The following LMO3 variants were observed in gnomAD, a reference collection of about 807,000 sequenced individuals.
The protein encoded by LMO3 is LIM domain only protein 3.
In LMO3, 2 loss-of-function variants were observed where a neutral mutation model predicts 15.8. The observed-to-expected ratio is 0.13, with a 90% CI of 0.05 to 0.40. The LOEUF is 0.40. Among genes scored for constraint, LMO3 ranks in the 10% least tolerant of loss-of-function variants. The pLI is 0.99. For synonymous variants in LMO3, 62 were observed against 63.8 expected (o/e 0.97, Z 0.13); for missense variants, 86 against 182.2 (o/e 0.47, Z 3.04).
rs773319605 is a variant in LMO3, at chr12:16,586,706, A to G, written c.206+13949T>C. On this transcript the variant is annotated intron_variant, in intron 2 of 3. Coordinates refer to ENST00000537304, the MANE Select transcript of LMO3 (RefSeq NM_018640.5). This position sits in a 1 kb window ranked among gnomAD's most constrained non-coding sequence, Gnocchi z 4.3. The stretch of plus-strand genomic sequence containing the variant: ...CAAGATACACATCTTTTGACCCCCC[A>G]TTGCAGTAGATGATGTTTTTTTCCA... Among the ~76,000 whole-genome samples, 4 of 152,138 alleles carry G rather than the reference A, an allele frequency of 2.6e-5. No individual in the cohort carries two copies. The highest frequency in any genetic ancestry group is 5.9e-5 in the Non-Finnish European group (4 of 68,014).
chr12:16,577,394 G>A (rs1025651289), intron 2 of LMO3, among the ~76,000 whole-genome samples: 4 of 152,048 alleles, frequency 2.6e-5, no homozygotes, highest in Admixed American at 2.6e-4. Flanking sequence ...ATTTTCCTAA[G>A]TAGTTGGCAG....
At chr12:16,556,736 A>G (rs998109901) in intron 3 of LMO3, among the ~76,000 whole-genome samples, 1 of 152,198 alleles carries the variant, frequency 6.6e-6, no homozygotes, top group South Asian at 2.1e-4. Flanking sequence ...AGAATCTCCT[A>G]TATGAAAACC....
At position 16,589,138 on chromosome 12, in the gene LMO3, G is replaced by A. The variant is rs1364154803; in HGVS notation, c.206+11517C>T. 6.6e-6 allele frequency among the ~76,000 whole-genome samples: 1 copy of A among 152,086 alleles called. No individual in the cohort carries two copies. Among genetic ancestry groups the A allele is most frequent in the African/African-American group, 2.4e-5 (1 of 41,432 alleles). On this transcript the variant is annotated intron_variant, in intron 2 of 3. Transcript: ENST00000537304. The surrounding 1 kb of genome is among the most constrained non-coding windows in gnomAD (Gnocchi z 4.2). Reference sequence around the variant, plus strand: ...TGCCTCTAAGATCTACGAATTAGATGTAACCTCACCCAGTTTGGAAGATTT... The same window carrying A: ...TGCCTCTAAGATCTACGAATTAGATATAACCTCACCCAGTTTGGAAGATTT...
chr12:16,580,445 C>T (rs149640287), intron 2 of LMO3, among the ~76,000 whole-genome samples: 34 of 152,270 alleles, frequency 2.2e-4, no homozygotes, highest in African/African-American at 8.2e-4. Context: ...TGACAATGTT[C>T]AAGATTAAGA....
rs1942300052 is a variant in LMO3 at position 16,559,200 on chromosome 12, T to C, written c.332+1213A>G. 2.6e-5 allele frequency among the ~76,000 whole-genome samples: 4 copies of C among 152,200 alleles called. No homozygotes were observed. In the South Asian group the frequency reaches 8.3e-4, roughly 31 times the overall value. On this transcript the variant is annotated intron_variant, in intron 3 of 3. Transcript: ENST00000537304. This position sits in a 1 kb window ranked among gnomAD's most constrained non-coding sequence, Gnocchi z 4.1. ...GTCAGTGAATTCATTTTCATTAAAA[T>C]CTATCAAGTGTTCTAATTTTTGAAA... is the stretch of plus-strand genomic sequence containing the variant.
chr12:16,602,055 G>A (rs913955469), intron 1 of LMO3: 5 of 152,224 alleles, frequency 3.3e-5, no homozygotes, highest in Admixed American at 3.3e-4. Flanking sequence ...GCTCAAAGCT[G>A]AAAGACAGTT....
intron 3 of LMO3, among the ~76,000 whole-genome samples, chr12:16,557,608 C>G (rs1475142613): frequency 6.6e-6 from 1 of 151,982 alleles, no homozygotes; most frequent in Non-Finnish European, 1.5e-5. Flanking sequence ...CTACATTTAG[C>G]AAGAAACTCT....
At position 16,550,741 on chromosome 12, in the gene LMO3, T is replaced by C. The variant is rs146529658; in HGVS notation, c.*481A>G. 3 of 154,090 alleles carry C rather than the reference T, an allele frequency of 1.9e-5. No individual in the cohort carries two copies. The highest frequency in any genetic ancestry group is 7.2e-5 in the African/African-American group (3 of 41,558). 9.5% of individuals were successfully genotyped at this position (154,090 alleles called of 1,614,324 possible). ...TCTATCTGTGTATCATTAGTGAGAT[T>C]TGCTTTTCAATTCTTTACTAGAAAG... On this transcript the variant is annotated 3_prime_UTR_variant, in exon 4 of 4. Coordinates refer to ENST00000537304, the MANE Select transcript of LMO3 (RefSeq NM_018640.5).
At chr12:16,605,292 A>G in intron 1 of LMO3, 51 of 1,182,112 alleles carry the variant, frequency 4.3e-5, no homozygotes, top group Non-Finnish European at 5.4e-5. Flanking sequence ...AAAAGATCAT[A>G]AATCTGACTT....
In LMO3 at chr12:16,594,901, T is replaced by A. The variant is rs185219620; in HGVS notation, c.206+5754A>T. ...TCACTTAATGGAAGTTAATGGTGAGTTTATAAATGAAGTGCTGGCTTACTT... is the reference window on the plus strand; with the variant it reads ...TCACTTAATGGAAGTTAATGGTGAGATTATAAATGAAGTGCTGGCTTACTT... On this transcript the variant is annotated intron_variant, in intron 2 of 3. Transcript: ENST00000537304. 3.2e-4 allele frequency among the ~76,000 whole-genome samples: 48 copies of A among 151,650 alleles called. No homozygotes were observed. The East Asian group carries it at 9.1e-3, about 29-fold the overall frequency.
intron 3 of LMO3, among the ~76,000 whole-genome samples, chr12:16,557,102 A>G (rs1040970833): frequency 2.0e-5 from 3 of 152,184 alleles, no homozygotes; most frequent in African/African-American, 7.2e-5. Context: ...AATAAAATAG[A>G]TATATGATTT....
chr12:16,608,791 T>G, upstream of LMO3: 1 of 152,024 alleles, frequency 6.6e-6, no homozygotes, highest in South Asian at 2.1e-4. The surrounding 1 kb of genome is among the most constrained non-coding windows in gnomAD (Gnocchi z 4.1). Flanking sequence ...AAACCACATG[T>G]GTAAAGGAAT....
At chr12:16,590,992 A>C (rs1255465164) in intron 2 of LMO3, among the ~76,000 whole-genome samples, 6 of 152,112 alleles carry the variant, frequency 3.9e-5, no homozygotes, top group Admixed American at 3.9e-4. Flanking sequence ...TCAATTCAGC[A>C]GATGAATTCT....
At chr12:16,569,524 T>TA (rs1473230544) in intron 2 of LMO3, among the ~76,000 whole-genome samples, 3 of 152,182 alleles carry the variant, frequency 2.0e-5, no homozygotes, top group Admixed American at 6.5e-5. Context: ...GAGCAGGTGT[T>TA]ACTGCTATTT....
intron 2 of LMO3, 174 bp downstream of exon 2, chr12:16,600,481 C>T: frequency 3.3e-6 from 2 of 609,300 alleles, no homozygotes; most frequent in Non-Finnish European, 5.8e-6. Context: ...TTGGCTATTC[C>T]TTAAGCATTA....
rs1449178244 is a variant in LMO3 at position 16,603,382 on chromosome 12, G to T, written c.-8-2514C>A. ...ACTATTTTGTAGTCACCATGTTACC[G>T]TGTACTTAAAAGGCATAAAGCAGTC... is the stretch of plus-strand genomic sequence containing the variant. On this transcript the variant is annotated intron_variant, in intron 1 of 3. Coordinates refer to ENST00000537304, the MANE Select transcript of LMO3 (RefSeq NM_018640.5). The surrounding 1 kb of genome is among the most constrained non-coding windows in gnomAD (Gnocchi z 4.9). Among the ~76,000 whole-genome samples the T allele has an allele frequency of 6.6e-6, 1 of 152,142 alleles. No homozygotes were observed. Among genetic ancestry groups the T allele is most frequent in the East Asian group, 1.9e-4 (1 of 5,190 alleles).
chr12:16,550,164 A>G lies in LMO3; in HGVS notation c.*1058T>C, dbSNP rs1167227121. The G allele has an allele frequency of 6.6e-6, 1 of 152,090 alleles. No homozygotes were observed. The highest frequency in any genetic ancestry group is 1.5e-5 in the Non-Finnish European group (1 of 67,938). 9.4% of individuals were successfully genotyped at this position (152,090 alleles called of 1,614,324 possible). ...CTACTCAAATACCATCATAGCTTCA[A>G]TGTGCATTATAGTGATTTCAGTAGA... is the stretch of plus-strand genomic sequence containing the variant. On this transcript the variant is annotated 3_prime_UTR_variant, in exon 4 of 4. Coordinates refer to ENST00000537304, the MANE Select transcript of LMO3 (RefSeq NM_018640.5).
At chr12:16,579,616 G>A (rs990776459) in intron 2 of LMO3, among the ~76,000 whole-genome samples, 1 of 152,162 alleles carries the variant, frequency 6.6e-6, no homozygotes, top group Admixed American at 6.5e-5. Flanking sequence ...CACGTTGGTG[G>A]AATCCTTTAG....
At chr12:16,562,925 C>G (rs1447526546) in intron 2 of LMO3, among the ~76,000 whole-genome samples, 1 of 152,148 alleles carries the variant, frequency 6.6e-6, no homozygotes, top group African/African-American at 2.4e-5. Context: ...AATTTGTTGC[C>G]CTCCAATTTA....
Sources: gnomAD v4.1 joint callset for allele counts (sites outside exome capture counted in the v4.1 genomes callset) on GRCh38, gnomAD v4.1.1 for gene constraint, Gnocchi (gnomAD v3.1) non-coding constraint, MANE v1.5 for transcripts, NCBI Gene and HGNC (gene_info 2026-07-23, HGNC 2026-07-21) for gene names.